Variants in CFDP1 observed in about 807,000 individuals in gnomAD.
CFDP1 encodes the protein heterochromatin-stabilizing protein CFDP1.
In CFDP1, 31 loss-of-function variants were observed where a neutral mutation model predicts 40.1. The ratio of observed to expected loss-of-function variants is 0.77; its 90% CI spans 0.58 to 1.04. The LOEUF (loss-of-function observed/expected upper bound fraction) is 1.04, where lower values mean the gene tolerates loss of function less well. Among genes scored for constraint, CFDP1 ranks in the 50% least tolerant of loss-of-function variants. The pLI is 0.00. For missense variants in CFDP1, 423 were observed against 343.4 expected, an observed-to-expected ratio of 1.23 and a Z score of -1.83; for synonymous variants, 167 against 120.0, an observed-to-expected ratio of 1.39 and a Z score of -2.56.
chr16:75,294,525 G>A (rs566362789), intron 6 of CFDP1, among the ~76,000 whole-genome samples: 7 of 152,346 alleles, frequency 4.6e-5, no homozygotes, highest in African/African-American at 1.7e-4. Flanking sequence ...AAGGGGGCAT[G>A]TGGTAATGAA....
intron 5 of CFDP1, among the ~76,000 whole-genome samples, chr16:75,370,464 A>AT (rs2078743852): frequency 6.6e-6 from 1 of 152,208 alleles, no homozygotes; most frequent in African/African-American, 2.4e-5. Context: ...GTAAATGATG[A>AT]GTTGATGGGT....
chr16:75,405,049 G>C (rs79385432), intron 4 of CFDP1, among the ~76,000 whole-genome samples: 1 of 152,176 alleles, frequency 6.6e-6, no homozygotes, highest in East Asian at 1.9e-4. Context: ...CACAGAAATT[G>C]TGAGTATTTA....
intron 1 of CFDP1, among the ~76,000 whole-genome samples, chr16:75,432,165 C>T (rs899081523): frequency 6.6e-6 from 1 of 150,680 alleles, no homozygotes; most frequent in Non-Finnish European, 1.5e-5. Flanking sequence ...CCACCTCAGC[C>T]TCCCAAAGTG....
intron 6 of CFDP1, among the ~76,000 whole-genome samples, chr16:75,297,694 G>A (rs2078193924): frequency 6.6e-6 from 1 of 152,320 alleles, no homozygotes; most frequent in African/African-American, 2.4e-5. Flanking sequence ...GCCCATTTAA[G>A]AGGCTCTTCA....
chr16:75,342,615 C>A (rs558631257), intron 5 of CFDP1, among the ~76,000 whole-genome samples: 1 of 152,214 alleles, frequency 6.6e-6, no homozygotes, highest in African/African-American at 2.4e-5. Context: ...CACACGTGGG[C>A]TCTATCTGCA....
chr16:75,378,466 A>G (rs1383415615), intron 5 of CFDP1, among the ~76,000 whole-genome samples: 1 of 152,128 alleles, frequency 6.6e-6, no homozygotes, highest in Non-Finnish European at 1.5e-5. Flanking sequence ...TAAGAACTAA[A>G]TTTCCACAGA....
intron 1 of CFDP1, among the ~76,000 whole-genome samples, chr16:75,424,179 G>A (rs2151599851): frequency 6.6e-6 from 1 of 152,320 alleles, no homozygotes; most frequent in Non-Finnish European, 1.5e-5. Context: ...AGGAATCTCT[G>A]AGGGACAATA....
At chr16:75,389,191 T>C (rs922145439) in intron 5 of CFDP1, among the ~76,000 whole-genome samples, 1 of 152,200 alleles carries the variant, frequency 6.6e-6, no homozygotes, top group Non-Finnish European at 1.5e-5. Flanking sequence ...GCCAGCCAGA[T>C]ACCAGCAAAT....
chr16:75,376,999 C>A (rs1345476418), intron 5 of CFDP1, among the ~76,000 whole-genome samples: 1 of 152,240 alleles, frequency 6.6e-6, no homozygotes, highest in Non-Finnish European at 1.5e-5. Flanking sequence ...GGTAACCCTG[C>A]TCTGCAGGAG....
intron 5 of CFDP1, among the ~76,000 whole-genome samples, chr16:75,324,510 G>A (rs767529087): frequency 2.6e-5 from 4 of 152,114 alleles, no homozygotes; most frequent in Non-Finnish European, 4.4e-5. Flanking sequence ...AGGAGGTCGA[G>A]GTAGGTGGGT....
At chr16:75,388,531 T>C (rs2078919980) in intron 5 of CFDP1, among the ~76,000 whole-genome samples, 1 of 152,192 alleles carries the variant, frequency 6.6e-6, no homozygotes, top group Admixed American at 6.5e-5. Flanking sequence ...GCAAACCCCA[T>C]CTACTCTGTG....
intron 6 of CFDP1, among the ~76,000 whole-genome samples, chr16:75,297,539 T>A (rs2078192579): frequency 6.6e-6 from 1 of 152,150 alleles, no homozygotes; most frequent in Non-Finnish European, 1.5e-5. Context: ...GCAATGGGAA[T>A]CACGGCTCTT....
At chr16:75,428,850 C>T (rs1239231487) in intron 1 of CFDP1, among the ~76,000 whole-genome samples, 2 of 152,100 alleles carry the variant, frequency 1.3e-5, no homozygotes, top group Admixed American at 6.5e-5. Context: ...GGCGTAGAGG[C>T]TCACGCCTGT....
At position 75,305,038 on chromosome 16, in the gene CFDP1, A is replaced by T; in HGVS notation, c.795T>A (p.Asn265Lys). The change falls in exon 6 of 7, where the codon AAT becomes AAA. Residue 265 changes from asparagine (N) to lysine (K), a missense_variant. Transcript: ENST00000283882. ...EGIGEELAIH[N>K]RGKEGYIERK... The stretch of plus-strand genomic sequence containing the variant: ...CTCCTTCTTACCCCTCTTTCCCTCG[A>T]TTATGGATGGCCAGTTCTTCACCAA... The T allele has an allele frequency of 6.2e-7, 1 of 1,613,940 alleles. No homozygotes were observed. The highest frequency in any genetic ancestry group is 8.5e-7 in the Non-Finnish European group (1 of 1,179,934).
At chr16:75,355,857 T>G (rs4888387) in intron 5 of CFDP1, among the ~76,000 whole-genome samples, 78,621 of 152,028 alleles carry the variant, frequency 0.52, 21,423 homozygotes, top group Admixed American at 0.64. Context: ...GAACTGAGAG[T>G]CAATTAAATC....
intron 6 of CFDP1, among the ~76,000 whole-genome samples, chr16:75,302,516 G>A (rs1184555588): frequency 6.6e-6 from 1 of 152,206 alleles, no homozygotes; most frequent in Non-Finnish European, 1.5e-5. Context: ...CTCCCAAAGT[G>A]CTGGGATTGC....
At chr16:75,387,615 GA>G (rs991739501) in intron 5 of CFDP1, among the ~76,000 whole-genome samples, 6 of 152,184 alleles carry the variant, frequency 3.9e-5, no homozygotes, top group Non-Finnish European at 8.8e-5. Flanking sequence ...GCCACCAGAA[GA>G]AATGCACTTG....
chr16:75,375,943 T>C (rs1325761989), intron 5 of CFDP1, among the ~76,000 whole-genome samples: 2 of 152,260 alleles, frequency 1.3e-5, no homozygotes, highest in Non-Finnish European at 2.9e-5. Context: ...CTGAGCGTTG[T>C]GGCTCATGCC....
chr16:75,424,389 C>T (rs1251695733), intron 1 of CFDP1, among the ~76,000 whole-genome samples: 2 of 152,146 alleles, frequency 1.3e-5, no homozygotes, highest in Non-Finnish European at 2.9e-5. Context: ...CAGACACACA[C>T]GGCATCTGTG....
Sources: gnomAD v4.1 joint callset for allele counts (sites outside exome capture counted in the v4.1 genomes callset) on GRCh38, gnomAD v4.1.1 for gene constraint, MANE v1.5 for transcripts, NCBI Gene and HGNC (gene_info 2026-07-23, HGNC 2026-07-21) for gene names.